The following BBS2 variants were observed in gnomAD, a reference collection of about 807,000 sequenced individuals.
BBS2 encodes Bardet-Biedl syndrome 2.
In BBS2, 62 loss-of-function variants were observed where a neutral mutation model predicts 83.0. The observed-to-expected ratio is 0.75, with a 90% CI of 0.61 to 0.92. The LOEUF (loss-of-function observed/expected upper bound fraction) is 0.92, where lower values mean the gene tolerates loss of function less well. BBS2 is among the 40% of genes least tolerant of loss of function. BBS2 has a pLI of 0.00. For missense variants in BBS2, 784 were observed against 901.0 expected (o/e 0.87, Z 1.66); for synonymous variants, 303 against 326.1 (o/e 0.93, Z 0.76).
chr16:56,498,430 A>G lies in BBS2; in HGVS notation c.1659+7T>C, dbSNP rs1964172250. The G allele has an allele frequency of 6.2e-7, 1 of 1,613,800 alleles. No individual in the cohort carries two copies. Among genetic ancestry groups the G allele is most frequent in the African/African-American group, 1.3e-5 (1 of 74,910 alleles). ...AGAAATCTATGCCCCGTGATATTAA[A>G]CATTACCTCTCCACTAAGTTTTATT... is the stretch of plus-strand genomic sequence containing the variant. On this transcript the variant is annotated splice_region_variant and intron_variant, in intron 13 of 16. Coordinates refer to ENST00000245157, the MANE Select transcript of BBS2 (RefSeq NM_031885.5).
At chr16:56,503,030 T>C (rs1964321622) in intron 7 of BBS2, among the ~76,000 whole-genome samples, 1 of 152,166 alleles carries the variant, frequency 6.6e-6, no homozygotes, top group East Asian at 1.9e-4. Context: ...ATAAAAGCTG[T>C]TTTTCATAGG....
At position 56,505,944 on chromosome 16, in the gene BBS2, A is replaced by T. The variant is rs762433088; in HGVS notation, c.804+6T>A. 2.5e-6 allele frequency: 4 copies of T among 1,610,802 alleles called. No homozygotes were observed. The highest frequency in any genetic ancestry group is 2.5e-6 in the Non-Finnish European group (3 of 1,177,536). Reference sequence around the variant, plus strand: ...ATTATACCTGAACTTTGCTATTCAAACTTACCTTCCCATTGGACCAACCAG... The same window carrying T: ...ATTATACCTGAACTTTGCTATTCAATCTTACCTTCCCATTGGACCAACCAG... On this transcript the variant is annotated splice_donor_region_variant and intron_variant, in intron 7 of 16. Coordinates refer to ENST00000245157, the MANE Select transcript of BBS2 (RefSeq NM_031885.5).
chr16:56,501,379 G>T lies in BBS2; in HGVS notation c.1199C>A (p.Thr400Lys), dbSNP rs754303918. The change falls in exon 10 of 17, where the codon ACA (threonine) becomes AAA (lysine). Residue 400 changes from threonine (T) to lysine (K), a missense_variant. Coordinates refer to ENST00000245157, the MANE Select transcript of BBS2 (RefSeq NM_031885.5). ...SLGNETQTAHTELRISTSNDT... is the reference protein window; with the variant it reads ...SLGNETQTAHKELRISTSNDT... ...ATTAGAAGTGGAAATGCGTAATTCTGTATGAGCAGTTTGGGTCTCATTCCC... is the reference window on the plus strand; with the variant it reads ...ATTAGAAGTGGAAATGCGTAATTCTTTATGAGCAGTTTGGGTCTCATTCCC... The T allele has an allele frequency of 3.1e-6, 5 of 1,614,032 alleles. No individual in the cohort carries two copies. The highest frequency in any genetic ancestry group is 2.2e-5 in the South Asian group (2 of 91,060).
intron 4 of BBS2, among the ~76,000 whole-genome samples, 175 bp from the exon 5 acceptor site, chr16:56,510,209 C>A (rs1306818143): frequency 6.6e-6 from 1 of 152,186 alleles, no homozygotes; most frequent in Non-Finnish European, 1.5e-5. Flanking sequence ...TCAGCAGATT[C>A]AATCAATGAA....
chr16:56,486,907 T>C (rs1488963806), intron 15 of BBS2, among the ~76,000 whole-genome samples: 6 of 151,802 alleles, frequency 4.0e-5, no homozygotes, highest in Non-Finnish European at 4.4e-5. Flanking sequence ...GGATTACAGG[T>C]ACCCGCCACC....
At chr16:56,515,821 C>T (rs530743230) in intron 1 of BBS2, among the ~76,000 whole-genome samples, 1 of 152,176 alleles carries the variant, frequency 6.6e-6, no homozygotes, top group African/African-American at 2.4e-5. Context: ...AACCTGACAC[C>T]AACCCTTCAT....
At chr16:56,483,252 T>A (rs1320471210), downstream of BBS2, among the ~76,000 whole-genome samples, 7 of 152,230 alleles carry the variant, frequency 4.6e-5, no homozygotes, top group African/African-American at 1.4e-4. Context: ...AATACAGTAT[T>A]ATAATCTTAT....
At chr16:56,501,671 C>T in intron 9 of BBS2, 174 bp from the exon 10 acceptor site, 1 of 843,540 alleles carries the variant, frequency 1.2e-6, no homozygotes, top group Non-Finnish European at 1.8e-6. Context: ...CTCCCTTGCT[C>T]TATCTGGCCC....
intron 1 of BBS2, chr16:56,516,135 C>T (rs1964741618): frequency 6.6e-6 from 1 of 152,208 alleles, no homozygotes; most frequent in Non-Finnish European, 1.5e-5. Flanking sequence ...CCCCAGTTCC[C>T]TCCTGCTGTT....
chr16:56,477,398 G>A (rs758462453), intron 17 of BBS2: 1 of 152,208 alleles, frequency 6.6e-6, no homozygotes, highest in Non-Finnish European at 1.5e-5. Context: ...TGGTAAAGAA[G>A]ATAGGCTGCT....
At chr16:56,513,872 G>A (rs1245582063) in intron 2 of BBS2, among the ~76,000 whole-genome samples, 1 of 152,020 alleles carries the variant, frequency 6.6e-6, no homozygotes, top group African/African-American at 2.4e-5. Flanking sequence ...CTGCTATAGG[G>A]TAAAAACAAG....
chr16:56,491,062 A>G (rs1240511768), intron 15 of BBS2, among the ~76,000 whole-genome samples: 3 of 152,180 alleles, frequency 2.0e-5, no homozygotes, highest in African/African-American at 7.2e-5. Flanking sequence ...CGCCTGGCCC[A>G]TTAAAGCAAA....
intron 7 of BBS2, 119 bp downstream of exon 7, chr16:56,505,831 C>T (rs1429575740): frequency 2.6e-6 from 2 of 778,450 alleles, no homozygotes; most frequent in Non-Finnish European, 4.5e-6. Flanking sequence ...AATGTAAAAA[C>T]ATTGCCAAGG....
intron 15 of BBS2, among the ~76,000 whole-genome samples, chr16:56,491,618 T>C (rs969506067): frequency 1.4e-5 from 2 of 145,080 alleles, no homozygotes; most frequent in Admixed American, 1.5e-4. Context: ...ACCTGATATG[T>C]AAACAGACAA....
intron 1 of BBS2, 118 bp downstream of exon 1, chr16:56,519,628 T>C (rs1964859302): frequency 2.5e-6 from 2 of 790,222 alleles, no homozygotes; most frequent in African/African-American, 1.7e-5. Flanking sequence ...CGCCGACCGG[T>C]TGCCGGGCAA....
At chr16:56,518,646 C>T (rs1054703701) in intron 1 of BBS2, among the ~76,000 whole-genome samples, 1 of 152,246 alleles carries the variant, frequency 6.6e-6, no homozygotes, top group Non-Finnish European at 1.5e-5. Flanking sequence ...GCTGAGATGA[C>T]TCATGTAATA....
chr16:56,499,988 A>C, intron 11 of BBS2, 81 bp from the exon 12 acceptor site: 1 of 1,543,086 alleles, frequency 6.5e-7, no homozygotes, highest in South Asian at 1.1e-5. Flanking sequence ...AAATAAAGCC[A>C]CTTCTGGGTC....
chr16:56,498,672 G>C (rs1964180406), intron 12 of BBS2, 104 bp from the exon 13 acceptor site: 1 of 1,572,668 alleles, frequency 6.4e-7, no homozygotes, highest in Middle Eastern at 1.7e-4. Context: ...TGAGGGAAGA[G>C]TTCTCCTTCT....
At chr16:56,495,954 C>T (rs1964104487) in intron 15 of BBS2, among the ~76,000 whole-genome samples, 1 of 151,720 alleles carries the variant, frequency 6.6e-6, no homozygotes, top group Non-Finnish European at 1.5e-5. Flanking sequence ...TAGTTGATAA[C>T]TGTTGAAGTT....
Sources: allele counts gnomAD v4.1 joint callset (sites outside exome capture counted in the v4.1 genomes callset), GRCh38; gene constraint gnomAD v4.1.1; transcripts MANE v1.5; gene names NCBI Gene and HGNC (gene_info 2026-07-23, HGNC 2026-07-21).